The following SEMA5A variants were observed in gnomAD, a reference collection of about 807,000 sequenced individuals.
SEMA5A encodes the protein semaphorin-5A.
In SEMA5A, 55 loss-of-function variants were observed where a neutral mutation model predicts 135.5. The observed-to-expected ratio is 0.41, with a 90% CI of 0.33 to 0.51. The LOEUF (loss-of-function observed/expected upper bound fraction) is 0.51. Among genes scored for constraint, SEMA5A ranks in the 20% least tolerant of loss-of-function variants. The probability of loss-of-function intolerance (pLI) is 0.37; values close to 1 mark genes in which losing one functional copy is unlikely to be tolerated. For missense variants in SEMA5A, 1,290 were observed against 1,419.9 expected (o/e 0.91, Z 1.47); for synonymous variants, 580 against 546.5 (o/e 1.06, Z -0.85).
chr5:9,265,052 A>G (rs952298120), intron 5 of SEMA5A, among the ~76,000 whole-genome samples: 1 of 152,200 alleles, frequency 6.6e-6, no homozygotes, highest in African/African-American at 2.4e-5. Context: ...GCATTTAGGA[A>G]TAAAAGTTAG....
intron 1 of SEMA5A, among the ~76,000 whole-genome samples, chr5:9,483,326 A>T (rs1759948092): frequency 6.6e-6 from 1 of 152,120 alleles, no homozygotes. Context: ...ACTTCTCAGT[A>T]AGGGAAAGAT....
At chr5:9,105,970 C>T (rs1274477431) in intron 16 of SEMA5A, among the ~76,000 whole-genome samples, 1 of 152,078 alleles carries the variant, frequency 6.6e-6, no homozygotes, top group Non-Finnish European at 1.5e-5. Context: ...GAAACCGAGC[C>T]CTTCCTTTCT....
chr5:9,275,626 C>T (rs1156428317), intron 5 of SEMA5A, among the ~76,000 whole-genome samples: 1 of 152,182 alleles, frequency 6.6e-6, no homozygotes, highest in Admixed American at 6.5e-5. Context: ...CATCAAAAAG[C>T]TTGTCCACCA....
At chr5:9,164,910 G>A (rs1743521834) in intron 11 of SEMA5A, among the ~76,000 whole-genome samples, 1 of 152,128 alleles carries the variant, frequency 6.6e-6, no homozygotes, top group African/African-American at 2.4e-5. Flanking sequence ...GGAGACAGGA[G>A]GGAAAGGAAA....
intron 1 of SEMA5A, among the ~76,000 whole-genome samples, chr5:9,527,299 C>T (rs1438007495): frequency 6.6e-6 from 1 of 152,160 alleles, no homozygotes; most frequent in Non-Finnish European, 1.5e-5. Context: ...AGAGGGCTAG[C>T]AAGACTTCAA....
intron 2 of SEMA5A, among the ~76,000 whole-genome samples, chr5:9,413,470 C>T (rs375250162): frequency 1.2e-4 from 18 of 152,258 alleles, no homozygotes; most frequent in African/African-American, 4.1e-4. Flanking sequence ...GTCACATAAA[C>T]GGGCTGTTAT....
At position 9,446,448 on chromosome 5, in the gene SEMA5A, T is replaced by C. The variant is rs1284078931; in HGVS notation, c.-174-8596A>G. On this transcript the variant is annotated intron_variant, in intron 1 of 22. Coordinates refer to ENST00000382496, the MANE Select transcript of SEMA5A (RefSeq NM_003966.3). ...GACACCAGGGCCTCAGAATAGTGAA[T>C]ACTTTCTTATTTTGGCCACCATGTG... 2.6e-5 allele frequency among the ~76,000 whole-genome samples: 4 copies of C among 152,140 alleles called. No homozygotes were observed. The South Asian group carries it at 6.2e-4, about 24-fold the overall frequency.
At chr5:9,411,030 T>C (rs761240986) in intron 2 of SEMA5A, among the ~76,000 whole-genome samples, 11 of 151,894 alleles carry the variant, frequency 7.2e-5, no homozygotes, top group Non-Finnish European at 1.5e-4. Context: ...CTTGTGATAA[T>C]TTGAAAAACT....
chr5:9,212,547 G>A (rs1052259363), intron 8 of SEMA5A, among the ~76,000 whole-genome samples: 1 of 152,156 alleles, frequency 6.6e-6, no homozygotes, highest in Non-Finnish European at 1.5e-5. Context: ...GGCTGGAAAT[G>A]GGGGGCTAAG....
At chr5:9,319,265 A>AAAAAG (rs1208660658) in intron 4 of SEMA5A, among the ~76,000 whole-genome samples, 1 of 152,138 alleles carries the variant, frequency 6.6e-6, no homozygotes, top group Non-Finnish European at 1.5e-5. Flanking sequence ...GATTTGGTTT[A>AAAAAG]AAAAGAAAAG....
chr5:9,240,569 A>G (rs1748138445), intron 5 of SEMA5A, among the ~76,000 whole-genome samples: 1 of 151,898 alleles, frequency 6.6e-6, no homozygotes, highest in Non-Finnish European at 1.5e-5. Flanking sequence ...TTAAAAAAAA[A>G]AATCCATCAG....
At chr5:9,243,094 C>A (rs1748293961) in intron 5 of SEMA5A, among the ~76,000 whole-genome samples, 2 of 152,196 alleles carry the variant, frequency 1.3e-5, no homozygotes, top group South Asian at 2.1e-4. Flanking sequence ...ACAATGTATT[C>A]ATTCCCTAGA....
At chr5:9,083,266 G>A (rs540703052) in intron 16 of SEMA5A, among the ~76,000 whole-genome samples, 6 of 152,184 alleles carry the variant, frequency 3.9e-5, no homozygotes, top group African/African-American at 9.6e-5. Context: ...TGTGTTATCA[G>A]CATCACTTTC....
intron 1 of SEMA5A, among the ~76,000 whole-genome samples, chr5:9,540,735 C>A (rs943301492): frequency 6.6e-6 from 1 of 152,174 alleles, no homozygotes; most frequent in Non-Finnish European, 1.5e-5. Context: ...ATGTCCCTGG[C>A]CTCCGAAGCG....
intron 1 of SEMA5A, chr5:9,511,268 T>C (rs986088224): frequency 6.6e-6 from 1 of 152,214 alleles, no homozygotes; most frequent in Non-Finnish European, 1.5e-5. Context: ...TGTGATGTCA[T>C]AATGTGATGT....
At chr5:9,288,260 G>A (rs1444510906) in intron 5 of SEMA5A, among the ~76,000 whole-genome samples, 1 of 152,170 alleles carries the variant, frequency 6.6e-6, no homozygotes, top group Non-Finnish European at 1.5e-5. Flanking sequence ...GTTCCCAGTG[G>A]CTACTAAGGG....
chr5:9,393,883 G>C (rs1382780446), intron 2 of SEMA5A, among the ~76,000 whole-genome samples: 1 of 152,006 alleles, frequency 6.6e-6, no homozygotes, highest in East Asian at 1.9e-4. Context: ...AAATAATACA[G>C]GTGTCCATTG....
chr5:9,522,140 C>T (rs1047024998), intron 1 of SEMA5A, among the ~76,000 whole-genome samples: 1 of 152,158 alleles, frequency 6.6e-6, no homozygotes, highest in African/African-American at 2.4e-5. Context: ...GTGACACCCA[C>T]ACATGACTCA....
intron 1 of SEMA5A, among the ~76,000 whole-genome samples, chr5:9,508,018 GAA>G (rs1395226100): frequency 4.6e-5 from 1 of 21,588 alleles, no homozygotes; most frequent in Non-Finnish European, 9.8e-5. Context: ...AAAAAAAAAA[GAA>G]AAGAAAAAAA....
Sources: gnomAD v4.1 joint callset for allele counts (sites outside exome capture counted in the v4.1 genomes callset) on GRCh38, gnomAD v4.1.1 for gene constraint, MANE v1.5 for transcripts, NCBI Gene and HGNC (gene_info 2026-07-23, HGNC 2026-07-21) for gene names.